The following LTBP4 variants were observed in gnomAD, a reference collection of about 807,000 sequenced individuals.
The protein encoded by LTBP4 is latent transforming growth factor beta binding protein 4.
A neutral mutation model predicts 180.2 loss-of-function variants in LTBP4; 93 were observed. The observed-to-expected ratio is 0.52, with a 90% confidence interval of 0.44 to 0.61. LTBP4 has a LOEUF of 0.61. LTBP4 is among the 20% of genes least tolerant of loss of function. LTBP4 has a pLI of 0.00. For missense variants in LTBP4, 2,116 were observed against 2,256.5 expected (o/e 0.94, Z 1.26); for synonymous variants, 947 against 934.5 (o/e 1.01, Z -0.24).
At chr19:40,606,633 G>T (rs950656940) in intron 6 of LTBP4, 107 bp downstream of exon 6, 1 of 1,415,254 alleles carries the variant, frequency 7.1e-7, no homozygotes, top group Middle Eastern at 2.5e-4. Context: ...AGACTCCCGG[G>T]TTCCTCTGTC....
intron 26 of LTBP4, among the ~76,000 whole-genome samples, chr19:40,625,289 TATATATATATA>T (rs2081621789): frequency 9.5e-5 from 1 of 10,474 alleles, no homozygotes; most frequent in Non-Finnish European, 1.5e-4. Context: ...TATATATATA[TATATATATATA>T]TATATATATA....
In LTBP4 at chr19:40,627,186, T is replaced by C. The variant is rs761568063; in HGVS notation, c.4197T>C (p.Tyr1399=). ...PGPFARREAP[Y]GAPRFDMPDF... Reference sequence around the variant, plus strand: ...CCTTCGCCCGCCGGGAGGCTCCTTATGGGGCACCCCGCTTCGACATGCCAG... The same window carrying C: ...CCTTCGCCCGCCGGGAGGCTCCTTACGGGGCACCCCGCTTCGACATGCCAG... The change falls in exon 28 of 30, where the codon TAT becomes TAC. Residue 1399 remains tyrosine (Y), a synonymous_variant. Transcript: ENST00000396819. 1.9e-6 allele frequency: 3 copies of C among 1,612,998 alleles called. No homozygotes were observed. The highest frequency in any genetic ancestry group is 2.5e-6 in the Non-Finnish European group (3 of 1,179,584).
At chr19:40,607,139 TCA>T (rs2081468624) in intron 6 of LTBP4, among the ~76,000 whole-genome samples, 1 of 152,194 alleles carries the variant, frequency 6.6e-6, no homozygotes, top group Admixed American at 6.5e-5. Flanking sequence ...GAGATCCTTC[TCA>T]GAGTCTCTCA....
In LTBP4 at chr19:40,613,820, G is replaced by C. The variant is rs189305306; in HGVS notation, c.2558-96G>C. 1.3e-6 allele frequency: 2 copies of C among 1,557,850 alleles called. No individual in the cohort carries two copies. The highest frequency in any genetic ancestry group is 2.7e-5 in the African/African-American group (2 of 74,018). On this transcript the variant is annotated intron_variant, in intron 17 of 29. Transcript: ENST00000396819. This position sits in a 1 kb window ranked among gnomAD's most constrained non-coding sequence, Gnocchi z 5.0. The stretch of plus-strand genomic sequence containing the variant: ...GTGAGGCAGGTTGGGGAAGGCGTGA[G>C]AGGCCTAGGAGAGCCGAGGGGCGGT...
chr19:40,608,716 G>C, intron 9 of LTBP4, 113 bp downstream of exon 9: 1 of 1,251,824 alleles, frequency 8.0e-7, no homozygotes, highest in Non-Finnish European at 1.1e-6. Context: ...TTCGAGACCA[G>C]CCTGGCCAAC....
rs1555738419 is a variant in LTBP4, at chr19:40,616,292, T to TTAAA, written c.2813-597_2813-596insTAAA. Among the ~76,000 whole-genome samples, 50 of 136,424 alleles carry TTAAA rather than the reference T, an allele frequency of 3.7e-4. 1 individual carries two copies. Among genetic ancestry groups the TTAAA allele is most frequent in the Non-Finnish European group, 1.7e-4 (11 of 65,834 alleles). The allele number at this position is 136,424 out of a possible 152,430, so 89.5% of individuals were successfully genotyped here. A position where few individuals can be genotyped will look rare whatever the true frequency, so the allele number is the denominator to read the frequency against. On this transcript the variant is annotated intron_variant, in intron 19 of 29. Coordinates refer to ENST00000396819, the MANE Select transcript of LTBP4 (RefSeq NM_001042545.2). ...CTGAGCAACAGAGCAAGACCCCATT[T>TTAAA]AAAAAAAAGAAAAAAAAGCTGGATG...
chr19:40,613,486 T>C lies in LTBP4; in HGVS notation c.2514T>C (p.Cys838=). 3 of 1,588,056 alleles carry C rather than the reference T, an allele frequency of 1.9e-6. No individual in the cohort carries two copies. Among genetic ancestry groups the C allele is most frequent in the Non-Finnish European group, 2.6e-6 (3 of 1,167,942 alleles). The stretch of plus-strand genomic sequence containing the variant: ...CTGACGGCTCCTTTGCCTGTACTTG[T>C]GCCCCTGGCTACCGACCCGGACCCC... The part of the protein sequence containing the change: ...LNTDGSFACT[C]APGYRPGPRG... The change falls in exon 17 of 30, where the codon TGT becomes TGC. Residue 838 remains cysteine (C), a synonymous_variant. Transcript: ENST00000396819. This position sits in a 1 kb window ranked among gnomAD's most constrained non-coding sequence, Gnocchi z 5.0.
At chr19:40,624,146 C>T (rs2146046509) in intron 26 of LTBP4, 64 bp downstream of exon 26, 2 of 1,455,846 alleles carry the variant, frequency 1.4e-6, no homozygotes, top group South Asian at 2.8e-5. Context: ...CGCACCCGGG[C>T]CACACCTTTG....
rs895740217 is a variant in LTBP4 at position 40,614,180 on chromosome 19, C to T, written c.2681-135C>T. On this transcript the variant is annotated intron_variant, in intron 18 of 29. Transcript: ENST00000396819. ...GCCTCCTCTCCTAGCCTCCCCAACT[C>T]TCCTCTACCCCAATCTTCTCCTGCC... The T allele has an allele frequency of 3.5e-6, 5 of 1,428,528 alleles. No homozygotes were observed. The African/African-American group carries it at 5.6e-5, about 16-fold the overall frequency. The allele number at this position is 1,428,528 out of a possible 1,614,324, so 88.5% of individuals were successfully genotyped here. A position where few individuals can be genotyped will look rare whatever the true frequency, so the allele number is the denominator to read the frequency against.
intron 22 of LTBP4, among the ~76,000 whole-genome samples, chr19:40,620,203 G>A (rs1393592344): frequency 2.6e-5 from 4 of 151,804 alleles, no homozygotes; most frequent in Non-Finnish European, 4.4e-5. Context: ...CTGCGGTACC[G>A]TGGAAGGGGT....
rs766826483 is a variant in LTBP4 at position 40,609,581 on chromosome 19, G to A, written c.1478G>A (p.Arg493His). The A allele has an allele frequency of 1.9e-6, 3 of 1,613,482 alleles. No homozygotes were observed. Among genetic ancestry groups the A allele is most frequent in the African/African-American group, 2.7e-5 (2 of 75,010 alleles). Residue 493 changes from arginine to histidine, a missense_variant, in exon 10 of 30, where the codon CGC becomes CAC. Physicochemically the swap from Arg to His is conservative, Grantham distance 29. This residue lies in a region of LTBP4 where 877 missense variants were observed against 873.6 expected (regional missense o/e 1.00). Transcript: ENST00000396819. The surrounding 1 kb of genome is among the most constrained non-coding windows in gnomAD (Gnocchi z 4.9). The part of the protein sequence containing the change: ...QRNPQVCGPG[R>H]CISRPSGYTC... ...AACCCCCAGGTCTGCGGCCCAGGAC[G>A]CTGCATTTCCCGGCCCAGCGGCTAC...
In LTBP4 at chr19:40,605,115, A is replaced by C; in HGVS notation, c.331A>C (p.Lys111Gln). The C allele has an allele frequency of 1.2e-6, 2 of 1,613,658 alleles. No individual in the cohort carries two copies. Among genetic ancestry groups the C allele is most frequent in the Non-Finnish European group, 1.7e-6 (2 of 1,179,832 alleles). ...RCLCPPDFAG[K>Q]FCQLHSSGAR... The stretch of plus-strand genomic sequence containing the variant: ...CCTCTGTCCCCCGGACTTCGCTGGC[A>C]AGTTCTGCCAGTTGCACTCCTCGGG... The change falls in exon 2 of 30, where the codon AAG becomes CAG. Residue 111 changes from lysine (K) to glutamine (Q), a missense_variant. Lys to Gln is a moderately conservative substitution (Grantham distance 53). Transcript: ENST00000396819. This position sits in a 1 kb window ranked among gnomAD's most constrained non-coding sequence, Gnocchi z 5.5.
At chr19:40,612,979 CA>C in intron 15 of LTBP4, 85 bp from the exon 16 acceptor site, 1 of 1,410,470 alleles carries the variant, frequency 7.1e-7, no homozygotes, top group African/African-American at 1.4e-5. Context: ...GACTTCCCAC[CA>C]CCTCCCCCAG....
At position 40,611,284 on chromosome 19, in the gene LTBP4, C is replaced by T. The variant is rs2081504127; in HGVS notation, c.1943C>T (p.Ala648Val). The T allele has an allele frequency of 6.2e-7, 1 of 1,611,796 alleles. No homozygotes were observed. Among genetic ancestry groups the T allele is most frequent in the East Asian group, 2.2e-5 (1 of 44,810 alleles). ...TGTGAAGAGGATGTGGATGAGTGTG[C>T]CCAGGAGCCGCCGCCCTGTGGGCCC... is the stretch of plus-strand genomic sequence containing the variant. ...SACEEDVDEC[A>V]QEPPPCGPGR... The change falls in exon 13 of 30, where the codon GCC becomes GTC. Residue 648 changes from alanine (A) to valine (V), a missense_variant. Around this residue, in one of 5 missense-constraint regions of LTBP4, gnomAD observed 877 missense variants for 873.6 expected, o/e 1.00. Coordinates refer to ENST00000396819, the MANE Select transcript of LTBP4 (RefSeq NM_001042545.2). The surrounding 1 kb of genome is among the most constrained non-coding windows in gnomAD (Gnocchi z 4.4).
chr19:40,614,576 C>T lies in LTBP4; in HGVS notation c.2812+130C>T, dbSNP rs1427545113. 10 of 1,223,976 alleles carry T rather than the reference C, an allele frequency of 8.2e-6. No individual in the cohort carries two copies. The East Asian group carries it at 1.8e-4, about 22-fold the overall frequency. 75.8% of individuals were successfully genotyped at this position (1,223,976 alleles called of 1,614,324 possible). ...GGGAAAGAACACCCTCTCACCGTATCTCTGTAGTGGAAATAAGCCGCCACC... is the reference window on the plus strand; with the variant it reads ...GGGAAAGAACACCCTCTCACCGTATTTCTGTAGTGGAAATAAGCCGCCACC... On this transcript the variant is annotated intron_variant, in intron 19 of 29. Coordinates refer to ENST00000396819, the MANE Select transcript of LTBP4 (RefSeq NM_001042545.2).
intron 22 of LTBP4, among the ~76,000 whole-genome samples, chr19:40,621,392 G>A (rs957198441): frequency 6.6e-6 from 1 of 152,148 alleles, no homozygotes; most frequent in African/African-American, 2.4e-5. Flanking sequence ...TTCTGTTTCT[G>A]CATTAATTTG....
At chr19:40,610,876 A>G (rs2081500885) in intron 12 of LTBP4, 2 of 771,266 alleles carry the variant, frequency 2.6e-6, no homozygotes, top group Non-Finnish European at 4.0e-6. Context: ...AAGATGGAGA[A>G]GCAGAATGAG....
chr19:40,626,841 C>G, intron 27 of LTBP4, 134 bp from the exon 28 acceptor site: 1 of 1,108,064 alleles, frequency 9.0e-7, no homozygotes, highest in South Asian at 2.4e-5. Flanking sequence ...ATTCTCAGCG[C>G]TGGCTCCAGA....
rs1481024335 is a variant in LTBP4 at position 40,609,680 on chromosome 19, G to T, written c.1558+19G>T. Reference sequence around the variant, plus strand: ...TGCATTGGTGAGCAAGACGGAGGGCGCGGAAGGAGGCGGGGCGGGGGGCTT... The same window carrying T: ...TGCATTGGTGAGCAAGACGGAGGGCTCGGAAGGAGGCGGGGCGGGGGGCTT... On this transcript the variant is annotated intron_variant, in intron 10 of 29. Transcript: ENST00000396819. This position sits in a 1 kb window ranked among gnomAD's most constrained non-coding sequence, Gnocchi z 4.9. The T allele has an allele frequency of 6.2e-7, 1 of 1,612,072 alleles. No homozygotes were observed. The highest frequency in any genetic ancestry group is 8.5e-7 in the Non-Finnish European group (1 of 1,178,908).
Sources: allele counts gnomAD v4.1 joint callset (sites outside exome capture counted in the v4.1 genomes callset), GRCh38; gene constraint gnomAD v4.1.1; regional missense constraint gnomAD v4.1.1; non-coding constraint Gnocchi (gnomAD v3.1); transcripts MANE v1.5; gene names NCBI Gene and HGNC (gene_info 2026-07-23, HGNC 2026-07-21).